PTPN3: variants seen among roughly 807,000 people sequenced by gnomAD.
The protein encoded by PTPN3 is tyrosine-protein phosphatase non-receptor type 3.
Under a neutral mutation model 132.7 loss-of-function variants are expected in PTPN3, and 96 were observed. The observed-to-expected ratio is 0.72, with a 90% confidence interval of 0.61 to 0.86. The LOEUF is 0.86. Ranked by LOEUF, PTPN3 falls within the 40% of genes least tolerant of loss-of-function variation. The probability of loss-of-function intolerance (pLI) is 0.00; values close to 1 mark genes in which losing one functional copy is unlikely to be tolerated. For missense variants in PTPN3, 1,125 were observed against 1,159.6 expected (o/e 0.97, Z 0.43); for synonymous variants, 398 against 429.0 (o/e 0.93, Z 0.89).
In PTPN3 at chr9:109,479,834, T is replaced by C. The variant is rs1182470562; in HGVS notation, c.-17-16383A>G. Among the ~76,000 whole-genome samples, 5 of 152,364 alleles carry C rather than the reference T, an allele frequency of 3.3e-5. 1 individual carries two copies. Among genetic ancestry groups the C allele is most frequent in the Admixed American group, 1.3e-4 (2 of 15,304 alleles). On this transcript the variant is annotated intron_variant, in intron 1 of 25. Coordinates refer to ENST00000374541, the MANE Select transcript of PTPN3 (RefSeq NM_002829.4). ...GCTCAAGCGATACACCCTCCCAAAG[T>C]GCTGGGATTACAGGCCTGAGCCTCT...
the PTPN3 span, among the ~76,000 whole-genome samples, chr9:109,535,188 G>A: frequency 6.6e-6 from 1 of 152,162 alleles, no homozygotes; most frequent in Non-Finnish European, 1.5e-5. Context: ...TTTGAATTTT[G>A]TGAAAGATCA....
chr9:109,433,916 TAAAAAAAAAAAAAAAAAA>T (rs1170933792), intron 9 of PTPN3, among the ~76,000 whole-genome samples: 4 of 98,284 alleles, frequency 4.1e-5, no homozygotes, highest in African/African-American at 1.3e-4. Flanking sequence ...AGACTCTGTT[TAAAAAAAAAAAAAAAAAA>T]AAAAAAAAAG....
chr9:109,445,642 C>T (rs988354271), intron 6 of PTPN3, among the ~76,000 whole-genome samples: 1 of 152,176 alleles, frequency 6.6e-6, no homozygotes, highest in Admixed American at 6.5e-5. Context: ...GATCAATGGG[C>T]AGCCTTTAAA....
At chr9:109,515,607 T>C in the PTPN3 span, among the ~76,000 whole-genome samples, 32 of 152,314 alleles carry the variant, frequency 2.1e-4, no homozygotes, top group East Asian at 5.4e-3. Context: ...TTTTGGCTCA[T>C]GGTTCTGCAG....
intron 4 of PTPN3, among the ~76,000 whole-genome samples, chr9:109,455,923 A>G (rs1845536848): frequency 6.6e-6 from 1 of 152,224 alleles, no homozygotes; most frequent in East Asian, 1.9e-4. Flanking sequence ...TGAGAGAATG[A>G]ATGACAACAC....
intron 1 of PTPN3, among the ~76,000 whole-genome samples, chr9:109,475,293 T>C (rs1325390931): frequency 6.6e-6 from 1 of 152,236 alleles, no homozygotes; most frequent in African/African-American, 2.4e-5. Flanking sequence ...TAAGCCTCAA[T>C]GTGGTATTGT....
chr9:109,472,090 A>C (rs1846411811), intron 1 of PTPN3, among the ~76,000 whole-genome samples: 1 of 152,220 alleles, frequency 6.6e-6, no homozygotes, highest in Non-Finnish European at 1.5e-5. Context: ...TTGATGAAGT[A>C]ACAGATTTTC....
Position 109,410,213 on chromosome 9 carries a change from G to A in PTPN3, c.1500+16C>T, listed in dbSNP as rs1841968511. The A allele has an allele frequency of 6.2e-7, 1 of 1,612,294 alleles. No individual in the cohort carries two copies. Among genetic ancestry groups the A allele is most frequent in the South Asian group, 1.1e-5 (1 of 90,976 alleles). ...CCCTGGGTGTGTGGATCACCCGGCT[G>A]CCTGCGCTCGCTCACCTTGTCACAG... On this transcript the variant is annotated intron_variant, in intron 15 of 25. Transcript: ENST00000374541.
intron 23 of PTPN3, 110 bp from the exon 24 acceptor site, chr9:109,382,557 G>A (rs1025567400): frequency 7.3e-6 from 9 of 1,238,874 alleles, no homozygotes; most frequent in African/African-American, 4.4e-5. Context: ...CTCCCTCTGC[G>A]CACAGCCCTG....
chr9:109,388,300 T>G (rs1236199848), intron 22 of PTPN3, among the ~76,000 whole-genome samples: 1 of 152,124 alleles, frequency 6.6e-6, no homozygotes, highest in Non-Finnish European at 1.5e-5. Context: ...ACATGCACCC[T>G]GGATTTCAGA....
intron 1 of PTPN3, among the ~76,000 whole-genome samples, chr9:109,465,706 CAAAAAAAA>C (rs34634972): frequency 2.9e-3 from 189 of 64,834 alleles, no homozygotes; most frequent in Admixed American, 8.6e-3. Context: ...AACTCTGTCT[CAAAAAAAA>C]AAAAAAAAAA....
chr9:109,448,954 G>A, intron 5 of PTPN3, 99 bp from the exon 6 acceptor site: 1 of 1,520,846 alleles, frequency 6.6e-7, no homozygotes, highest in Non-Finnish European at 8.8e-7. Context: ...AGCTGTACAT[G>A]TGAAAGATAC....
chr9:109,398,403 C>T (rs1840772080), intron 19 of PTPN3, among the ~76,000 whole-genome samples: 1 of 152,224 alleles, frequency 6.6e-6, no homozygotes, highest in Non-Finnish European at 1.5e-5. Context: ...ATAATTATCA[C>T]AGGAGCCAGT....
In PTPN3 at chr9:109,438,166, C is replaced by T. The variant is rs746441964; in HGVS notation, c.535G>A (p.Asp179Asn). ...GYLSDSHFIPDQNEDFLTKVE... is the reference protein window; with the variant it reads ...GYLSDSHFIPNQNEDFLTKVE... The stretch of plus-strand genomic sequence containing the variant: ...TTTGTTAAAAAGTCCTCATTTTGAT[C>T]GGGTATAAAGTGACTATCGGAAAGA... Residue 179 changes from aspartate to asparagine, a missense_variant, in exon 8 of 26, where the codon GAT becomes AAT. Coordinates refer to ENST00000374541, the MANE Select transcript of PTPN3 (RefSeq NM_002829.4). 2.2e-5 allele frequency: 35 copies of T among 1,613,444 alleles called. No individual in the cohort carries two copies. The highest frequency in any genetic ancestry group is 1.1e-4 in the East Asian group (5 of 44,892).
chr9:109,521,520 C>G, the PTPN3 span, among the ~76,000 whole-genome samples: 22 of 152,260 alleles, frequency 1.4e-4, no homozygotes, highest in Admixed American at 4.6e-4. Flanking sequence ...CAACATGTCC[C>G]ACTTCCTTTG....
At chr9:109,412,965 A>G (rs1842194225) in intron 14 of PTPN3, among the ~76,000 whole-genome samples, 2 of 142,994 alleles carry the variant, frequency 1.4e-5, no homozygotes, top group Non-Finnish European at 1.5e-5. Context: ...TTTGAGACAG[A>G]GTCTTGCCCT....
chr9:109,502,915 A>G (rs926783341), upstream of PTPN3, among the ~76,000 whole-genome samples: 2 of 152,218 alleles, frequency 1.3e-5, no homozygotes, highest in Non-Finnish European at 2.9e-5. Context: ...CCAAAATATT[A>G]TTGGTGGTGT....
chr9:109,501,538 A>T (rs368841055), upstream of PTPN3, among the ~76,000 whole-genome samples: 2 of 152,344 alleles, frequency 1.3e-5, no homozygotes, highest in African/African-American at 4.8e-5. Flanking sequence ...CCAAAATGTT[A>T]AAGTCTATCC....
chr9:109,417,791 C>T, intron 14 of PTPN3: 1 of 985,230 alleles, frequency 1.0e-6, no homozygotes, highest in South Asian at 4.7e-5. Flanking sequence ...CCTGGTAAAA[C>T]CCCACAAGGA....
Sources: gnomAD v4.1 joint callset for allele counts (sites outside exome capture counted in the v4.1 genomes callset) on GRCh38, gnomAD v4.1.1 for gene constraint, MANE v1.5 for transcripts, NCBI Gene and HGNC (gene_info 2026-07-23, HGNC 2026-07-21) for gene names.